Variants in MAP3K20 observed in about 807,000 individuals in gnomAD.
MAP3K20 encodes HCCS-4.
MAP3K20 carries 40 observed loss-of-function variants against 85.7 expected under a neutral mutation model. That is an observed-to-expected ratio of 0.47 (90% CI 0.36 to 0.61). The LOEUF (loss-of-function observed/expected upper bound fraction) is 0.61. Among genes scored for constraint, MAP3K20 ranks in the 20% least tolerant of loss-of-function variants. The pLI, the probability that MAP3K20 is intolerant of heterozygous loss-of-function variation, is 0.00. For synonymous variants in MAP3K20, 325 were observed against 327.7 expected (o/e 0.99, Z 0.09); for missense variants, 817 against 961.7 (o/e 0.85, Z 1.99).
At chr2:173,188,641 C>T (rs569526579) in intron 5 of MAP3K20, among the ~76,000 whole-genome samples, 67 of 150,086 alleles carry the variant, frequency 4.5e-4, no homozygotes, top group Admixed American at 1.1e-3. Flanking sequence ...GGGATGGGGG[C>T]GGGGAGGGAA....
chr2:173,152,176 A>G (rs1005969814), intron 2 of MAP3K20, among the ~76,000 whole-genome samples: 2 of 152,144 alleles, frequency 1.3e-5, no homozygotes, highest in African/African-American at 4.8e-5. Flanking sequence ...CCTTCTGTGT[A>G]TTTTGTTAAT....
Position 173,090,915 on chromosome 2 carries a change from A to G in MAP3K20, c.-34-83A>G. On this transcript the variant is annotated intron_variant, in intron 1 of 19. Transcript: ENST00000375213. ...TCTGGAAGTTTCACAGGACTCGTTC[A>G]TGATATATTATCTAAAGTAGGATTC... 2.8e-6 allele frequency: 4 copies of G among 1,443,448 alleles called. 1 individual carries two copies. The highest frequency in any genetic ancestry group is 3.2e-5 in the South Asian group (2 of 63,374). The allele number at this position is 1,443,448 out of a possible 1,614,324, so 89.4% of individuals were successfully genotyped here. A position where few individuals can be genotyped will look rare whatever the true frequency, so the allele number is the denominator to read the frequency against.
chr2:173,152,984 T>G (rs1689351667), intron 2 of MAP3K20, among the ~76,000 whole-genome samples: 1 of 152,210 alleles, frequency 6.6e-6, no homozygotes, highest in Non-Finnish European at 1.5e-5. Flanking sequence ...TCAGGGATGC[T>G]AAATCACATA....
chr2:173,100,581 G>C (rs954126173), intron 2 of MAP3K20, among the ~76,000 whole-genome samples: 2 of 152,034 alleles, frequency 1.3e-5, no homozygotes, highest in Non-Finnish European at 2.9e-5. Context: ...CTGTGAAGAG[G>C]GTAGAACTCG....
At chr2:173,150,461 C>A (rs898966168) in intron 2 of MAP3K20, among the ~76,000 whole-genome samples, 5 of 152,318 alleles carry the variant, frequency 3.3e-5, no homozygotes, top group African/African-American at 1.2e-4. Flanking sequence ...CCTCTTCTCT[C>A]ATAAAAGAGA....
At chr2:173,161,500 C>T (rs1689656921) in intron 2 of MAP3K20, among the ~76,000 whole-genome samples, 1 of 152,184 alleles carries the variant, frequency 6.6e-6, no homozygotes, top group Non-Finnish European at 1.5e-5. Flanking sequence ...ATATCATTAT[C>T]ATCAAATACT....
intron 2 of MAP3K20, among the ~76,000 whole-genome samples, chr2:173,157,737 A>G (rs907080333): frequency 2.0e-5 from 3 of 152,214 alleles, no homozygotes; most frequent in Non-Finnish European, 4.4e-5. Context: ...TTTATTAGCT[A>G]TAAAATTGGT....
At chr2:173,258,132 T>C (rs995071628) in intron 16 of MAP3K20, among the ~76,000 whole-genome samples, 4 of 152,178 alleles carry the variant, frequency 2.6e-5, no homozygotes, top group Middle Eastern at 3.2e-3. Context: ...CCAGAGTCCC[T>C]CACCCACCCC....
At chr2:173,187,123 C>T (rs1345005) in intron 4 of MAP3K20, among the ~76,000 whole-genome samples, 151,042 of 152,306 alleles carry the variant, frequency 0.99, 74,910 homozygotes, top group Middle Eastern at 1. Context: ...TCCAGAACTT[C>T]GGTAACTGGA....
intron 16 of MAP3K20, among the ~76,000 whole-genome samples, chr2:173,252,226 C>G (rs957804438): frequency 6.6e-6 from 1 of 152,180 alleles, no homozygotes; most frequent in African/African-American, 2.4e-5. Context: ...AAAATTTAAA[C>G]AGCTTGCAGA....
chr2:173,228,767 T>A (rs1226772759), intron 11 of MAP3K20, among the ~76,000 whole-genome samples: 3 of 152,090 alleles, frequency 2.0e-5, no homozygotes, highest in African/African-American at 7.2e-5. Context: ...AAAGGTTAAC[T>A]CACCTACCCT....
chr2:173,265,412 A>G (rs889109424), intron 19 of MAP3K20, among the ~76,000 whole-genome samples: 1 of 152,228 alleles, frequency 6.6e-6, no homozygotes, highest in African/African-American at 2.4e-5. Flanking sequence ...CTATCTGCCA[A>G]TGCAGCTTCA....
At chr2:173,090,315 A>AT (rs1687256546) in intron 1 of MAP3K20, among the ~76,000 whole-genome samples, 1 of 152,156 alleles carries the variant, frequency 6.6e-6, no homozygotes, top group African/African-American at 2.4e-5. Context: ...CAAGCATAAT[A>AT]TTTTTTAACG....
intron 2 of MAP3K20, among the ~76,000 whole-genome samples, chr2:173,144,704 A>G (rs948125862): frequency 5.9e-5 from 9 of 151,988 alleles, no homozygotes; most frequent in Admixed American, 5.9e-4. Context: ...TCTCAAACAA[A>G]AAAGACCTAA....
At chr2:173,083,315 T>A (rs1687059282) in intron 1 of MAP3K20, among the ~76,000 whole-genome samples, 1 of 152,192 alleles carries the variant, frequency 6.6e-6, no homozygotes, top group African/African-American at 2.4e-5. Context: ...TACAAGTTGG[T>A]TCTGTTCCTA....
intron 2 of MAP3K20, among the ~76,000 whole-genome samples, chr2:173,132,962 C>T (rs577566627): frequency 5.9e-5 from 9 of 152,226 alleles, no homozygotes; most frequent in Non-Finnish European, 1.2e-4. Flanking sequence ...CAGTACTTTA[C>T]ATACAGTAGG....
chr2:173,194,583 A>G (rs952640618), intron 7 of MAP3K20, among the ~76,000 whole-genome samples: 3 of 152,046 alleles, frequency 2.0e-5, no homozygotes, highest in Non-Finnish European at 4.4e-5. Context: ...TTAATTCAAA[A>G]TGTGGTTATT....
intron 2 of MAP3K20, among the ~76,000 whole-genome samples, chr2:173,159,117 T>G (rs1435237047): frequency 6.6e-6 from 1 of 152,190 alleles, no homozygotes; most frequent in African/African-American, 2.4e-5. Flanking sequence ...AGAATTAAAT[T>G]TTTACTCACC....
chr2:173,245,679 C>T (rs779424552), intron 16 of MAP3K20, among the ~76,000 whole-genome samples: 9 of 152,190 alleles, frequency 5.9e-5, no homozygotes, highest in Non-Finnish European at 1.3e-4. Flanking sequence ...TGCCTGTAAT[C>T]CCAGCACTTT....
Sources: allele counts gnomAD v4.1 joint callset (sites outside exome capture counted in the v4.1 genomes callset), GRCh38; gene constraint gnomAD v4.1.1; transcripts MANE v1.5; gene names NCBI Gene and HGNC (gene_info 2026-07-23, HGNC 2026-07-21).